Variants in PIN1 observed in about 807,000 individuals in gnomAD.
PIN1 encodes peptidyl-prolyl cis-trans isomerase NIMA-interacting 1.
In PIN1, 8 loss-of-function variants were observed where a neutral mutation model predicts 19.9. That is an observed-to-expected ratio of 0.40 (90% CI 0.24 to 0.72). The LOEUF (loss-of-function observed/expected upper bound fraction) is 0.72, where lower values mean the gene tolerates loss of function less well. Ranked by LOEUF, PIN1 falls within the 30% of genes least tolerant of loss-of-function variation. The pLI is 0.37. For synonymous variants in PIN1, 86 were observed against 90.8 expected, an observed-to-expected ratio of 0.95 and a Z score of 0.30; for missense variants, 185 against 226.5, an observed-to-expected ratio of 0.82 and a Z score of 1.18.
chr19:9,839,543 T>G (rs989255018), intron 2 of PIN1, among the ~76,000 whole-genome samples: 1 of 152,210 alleles, frequency 6.6e-6, no homozygotes, highest in African/African-American at 2.4e-5. Flanking sequence ...TGGCAAACTT[T>G]AAAGGCCAGA....
chr19:9,843,589 T>C (rs2046190134), intron 2 of PIN1, among the ~76,000 whole-genome samples: 1 of 152,266 alleles, frequency 6.6e-6, no homozygotes. Context: ...TCCACAGTTC[T>C]GGAGGCCAGA....
At chr19:9,836,219 GC>G (rs1181223639) in intron 1 of PIN1, 1 of 152,586 alleles carries the variant, frequency 6.6e-6, no homozygotes, top group African/African-American at 2.4e-5. Context: ...TGCCTCTAGA[GC>G]CCATAGCAAT....
chr19:9,846,544 T>G lies in PIN1; in HGVS notation c.272-1486T>G, dbSNP rs1045669945. Among the ~76,000 whole-genome samples the G allele has an allele frequency of 3.9e-5, 6 of 152,134 alleles. No homozygotes were observed. Among genetic ancestry groups the G allele is most frequent in the African/African-American group, 1.4e-4 (6 of 41,412 alleles). On this transcript the variant is annotated intron_variant, in intron 2 of 3. Transcript: ENST00000247970. This position sits in a 1 kb window ranked among gnomAD's most constrained non-coding sequence, Gnocchi z 5.9. ...GTGCAGCCAAACAGGGAGCTATGGC[T>G]GTGCTCTCACGGTGGTACCATTTCC...
At chr19:9,841,306 C>T (rs2046163528) in intron 2 of PIN1, among the ~76,000 whole-genome samples, 1 of 152,196 alleles carries the variant, frequency 6.6e-6, no homozygotes. Context: ...AGGGCAGGGA[C>T]TGGATCTCTC....
rs2046219811 is a variant in PIN1 at position 9,846,321 on chromosome 19, C to G, written c.272-1709C>G. On this transcript the variant is annotated intron_variant, in intron 2 of 3. Coordinates refer to ENST00000247970, the MANE Select transcript of PIN1 (RefSeq NM_006221.4). The surrounding 1 kb of genome is among the most constrained non-coding windows in gnomAD (Gnocchi z 5.9). ...GCAGAGCAGTAGAGGCTGCGTCATC[C>G]CTGGGATGCAGTCCCCATGGAGGGG... Among the ~76,000 whole-genome samples, 1 of 152,112 alleles carries G rather than the reference C, an allele frequency of 6.6e-6. No individual in the cohort carries two copies. The highest frequency in any genetic ancestry group is 1.9e-4 in the East Asian group (1 of 5,168).
chr19:9,840,744 A>T (rs1022621370), intron 2 of PIN1, among the ~76,000 whole-genome samples: 2 of 152,024 alleles, frequency 1.3e-5, no homozygotes, highest in Admixed American at 6.6e-5. Context: ...CTGCAGGCTC[A>T]TAACACCACA....
At chr19:9,836,561 G>C in intron 1 of PIN1, 1 of 294,762 alleles carries the variant, frequency 3.4e-6, no homozygotes, top group Non-Finnish European at 6.9e-6. Context: ...AACCCTGATG[G>C]CTTCCTTTAT....
chr19:9,846,589 T>C lies in PIN1; in HGVS notation c.272-1441T>C, dbSNP rs1021399473. ...ATTTCCACTGCAGTCCCAAGCAGGT[T>C]AGAGCGTGAGGCCGAGGGGCCCTGG... On this transcript the variant is annotated intron_variant, in intron 2 of 3. Transcript: ENST00000247970. The surrounding 1 kb of genome is among the most constrained non-coding windows in gnomAD (Gnocchi z 5.9). 2.6e-5 allele frequency among the ~76,000 whole-genome samples: 4 copies of C among 152,070 alleles called. No individual in the cohort carries two copies. The highest frequency in any genetic ancestry group is 4.4e-5 in the Non-Finnish European group (3 of 68,012).
chr19:9,842,125 G>A (rs35404900), intron 2 of PIN1, among the ~76,000 whole-genome samples: 2,059 of 152,312 alleles, frequency 0.014, 41 homozygotes, highest in African/African-American at 0.047. Context: ...CCTGGTGGAA[G>A]CTGTGGGAGG....
chr19:9,845,120 T>A (rs1483236720), intron 2 of PIN1, among the ~76,000 whole-genome samples: 2 of 152,090 alleles, frequency 1.3e-5, no homozygotes, highest in Admixed American at 1.3e-4. Context: ...TAAACCAAGG[T>A]CTGCGAGGTG....
chr19:9,842,798 A>T (rs3786693), intron 2 of PIN1, among the ~76,000 whole-genome samples: 2,718 of 152,290 alleles, frequency 0.018, 48 homozygotes, highest in Admixed American at 0.055. Flanking sequence ...TCTTCCATGA[A>T]GTGGATGTTC....
At chr19:9,845,667 A>G (rs1599454083) in intron 2 of PIN1, among the ~76,000 whole-genome samples, 1 of 152,206 alleles carries the variant, frequency 6.6e-6, no homozygotes, top group Admixed American at 6.5e-5. Flanking sequence ...AAAATTTTCC[A>G]AGAGAGCTGG....
In PIN1 at chr19:9,835,352, A is replaced by G. The variant is rs1388898583; in HGVS notation, c.8A>G (p.Asp3Gly). MA[D>G]EEKLPPGWEK... is the part of the protein sequence containing the mutation. ...GCTGCGGCAGGAGGGAAGATGGCGG[A>G]CGAGGAGAAGCTGCCGCCCGGCTGG... Residue 3 changes from aspartate to glycine, a missense_variant, in exon 1 of 4, where the codon GAC (aspartate) becomes GGC (glycine). Asp to Gly is a moderately conservative substitution (Grantham distance 94). Coordinates refer to ENST00000247970, the MANE Select transcript of PIN1 (RefSeq NM_006221.4). The G allele has an allele frequency of 6.6e-7, 1 of 1,523,584 alleles. No individual in the cohort carries two copies. Among genetic ancestry groups the G allele is most frequent in the South Asian group, 1.2e-5 (1 of 82,578 alleles). The allele number at this position is 1,523,584 out of a possible 1,614,324, so 94.4% of individuals were successfully genotyped here.
chr19:9,842,208 C>T (rs1047118848), intron 2 of PIN1, among the ~76,000 whole-genome samples: 7 of 152,104 alleles, frequency 4.6e-5, no homozygotes, highest in South Asian at 4.2e-4. Flanking sequence ...GGAGCAGACC[C>T]GAGAGAGATT....
chr19:9,849,528 C>G lies in PIN1; in HGVS notation c.*329C>G, dbSNP rs559703384. The G allele has an allele frequency of 7.9e-6, 5 of 635,878 alleles. No individual in the cohort carries two copies. The highest frequency in any genetic ancestry group is 1.5e-5 in the Non-Finnish European group (5 of 335,148). 39.4% of individuals were successfully genotyped at this position (635,878 alleles called of 1,614,324 possible). A position where few individuals can be genotyped will look rare whatever the true frequency, so the allele number is the denominator to read the frequency against. Reference sequence around the variant, plus strand: ...GGTCAGCAGAGCCGCCCCGTGTCCCCCCAGGTGCTGGAGGCAGACTCGAGG... The same window carrying G: ...GGTCAGCAGAGCCGCCCCGTGTCCCGCCAGGTGCTGGAGGCAGACTCGAGG... On this transcript the variant is annotated 3_prime_UTR_variant, in exon 4 of 4. Transcript: ENST00000247970.
chr19:9,849,225 G>C lies in PIN1; in HGVS notation c.*26G>C, dbSNP rs373192122. ...GGGTGGGGAGCCCAGGCCTGGCCTC[G>C]GGGCAGGGCAGGGCGGCTAGGCCGG... is the stretch of plus-strand genomic sequence containing the variant. On this transcript the variant is annotated 3_prime_UTR_variant, in exon 4 of 4. Coordinates refer to ENST00000247970, the MANE Select transcript of PIN1 (RefSeq NM_006221.4). The C allele has an allele frequency of 6.5e-7, 1 of 1,526,808 alleles. No individual in the cohort carries two copies. Among genetic ancestry groups the C allele is most frequent in the Non-Finnish European group, 9.0e-7 (1 of 1,109,018 alleles). 94.6% of individuals were successfully genotyped at this position (1,526,808 alleles called of 1,614,324 possible).
In PIN1 at chr19:9,835,341, G is replaced by C; in HGVS notation, c.-4G>C. 6.6e-7 allele frequency: 1 copy of C among 1,524,550 alleles called. No individual in the cohort carries two copies. Among genetic ancestry groups the C allele is most frequent in the Non-Finnish European group, 8.8e-7 (1 of 1,142,172 alleles). The allele number at this position is 1,524,550 out of a possible 1,614,324, so 94.4% of individuals were successfully genotyped here. On this transcript the variant is annotated 5_prime_UTR_variant, in exon 1 of 4. Transcript: ENST00000247970. ...GCGGAGCAGGCGCTGCGGCAGGAGG[G>C]AAGATGGCGGACGAGGAGAAGCTGC... is the stretch of plus-strand genomic sequence containing the variant.
chr19:9,843,790 G>A (rs1266836665), intron 2 of PIN1, among the ~76,000 whole-genome samples: 1 of 152,196 alleles, frequency 6.6e-6, no homozygotes, highest in Non-Finnish European at 1.5e-5. Flanking sequence ...GCTCATGCCT[G>A]TAATCCCAGC....
At chr19:9,835,588 G>A (rs1209538782) in intron 1 of PIN1, 186 bp downstream of exon 1, 1 of 512,610 alleles carries the variant, frequency 2.0e-6, no homozygotes, top group African/African-American at 2.0e-5. Context: ...GAGCCGCCGG[G>A]AAGCCTGAGG....
Sources: gnomAD v4.1 joint callset for allele counts (sites outside exome capture counted in the v4.1 genomes callset) on GRCh38, gnomAD v4.1.1 for gene constraint, Gnocchi (gnomAD v3.1) non-coding constraint, MANE v1.5 for transcripts, NCBI Gene and HGNC (gene_info 2026-07-23, HGNC 2026-07-21) for gene names.